MALT1: variants seen among roughly 807,000 people sequenced by gnomAD.
The protein encoded by MALT1 is mucosa-associated lymphoid tissue lymphoma translocation protein 1.
In MALT1, 36 loss-of-function variants were observed where a neutral mutation model predicts 85.5. The ratio of observed to expected loss-of-function variants is 0.42; its 90% CI spans 0.32 to 0.56. MALT1 has a LOEUF of 0.56. MALT1 is among the 20% of genes least tolerant of loss of function. The pLI, the probability that MALT1 is intolerant of heterozygous loss-of-function variation, is 0.10. For missense variants in MALT1, 716 were observed against 981.6 expected, an observed-to-expected ratio of 0.73 and a Z score of 3.62; for synonymous variants, 359 against 361.3, an observed-to-expected ratio of 0.99 and a Z score of 0.07.
rs79382488 is a variant in MALT1, at chr18:58,700,094, T to A, written c.499-347T>A. 5.9e-5 allele frequency among the ~76,000 whole-genome samples: 9 copies of A among 152,312 alleles called. No individual in the cohort carries two copies. In the East Asian group the frequency reaches 1.7e-3, roughly 29 times the overall value. On this transcript the variant is annotated intron_variant, in intron 3 of 16. Coordinates refer to ENST00000649217, the MANE Select transcript of MALT1 (RefSeq NM_006785.4). ...TCTATGCCGCTGTGGTGTTTGTATG[T>A]TGTATGGCTGCTAAACTCATAAATG...
At chr18:58,746,934 G>GC in intron 16 of MALT1, among the ~76,000 whole-genome samples, 1 of 152,064 alleles carries the variant, frequency 6.6e-6, no homozygotes, top group East Asian at 1.9e-4. Flanking sequence ...CACCACGTTG[G>GC]CCAGACTGGT....
At chr18:58,710,347 T>C (rs1402458554) in intron 6 of MALT1, among the ~76,000 whole-genome samples, 2 of 152,226 alleles carry the variant, frequency 1.3e-5, no homozygotes, top group Non-Finnish European at 2.9e-5. Flanking sequence ...TGATAAAATA[T>C]GTATTCTTTA....
intron 9 of MALT1, among the ~76,000 whole-genome samples, chr18:58,722,557 C>G (rs1403613904): frequency 6.6e-6 from 1 of 151,320 alleles, no homozygotes; most frequent in Non-Finnish European, 1.5e-5. Context: ...AGTTCTCTCT[C>G]TCTTTGATAT....
chr18:58,675,344 G>GCAGAAAT (rs1198119964), intron 1 of MALT1: 3 of 152,220 alleles, frequency 2.0e-5, no homozygotes, highest in Non-Finnish European at 4.4e-5. Flanking sequence ...ACTTTTAGCT[G>GCAGAAAT]CAGAAATCCT....
At position 58,754,188 on chromosome 18, in the gene MALT1, G is replaced by A. The variant is rs1312517209; in HGVS notation, c.*6346G>A. On this transcript the variant is annotated 3_prime_UTR_variant, in exon 17 of 17. Coordinates refer to ENST00000649217, the MANE Select transcript of MALT1 (RefSeq NM_006785.4). ...GCAGAGCCAGGATGATTCAGACCCA[G>A]ACCAGAGCCGGGTGTTTTGTCCACA... is the stretch of plus-strand genomic sequence containing the variant. The A allele has an allele frequency of 6.6e-6, 1 of 152,224 alleles. No homozygotes were observed. Among genetic ancestry groups the A allele is most frequent in the Non-Finnish European group, 1.5e-5 (1 of 68,052 alleles). The allele number at this position is 152,224 out of a possible 1,614,324, so 9.4% of individuals were successfully genotyped here.
chr18:58,674,637 A>T (rs1263599234), intron 1 of MALT1, among the ~76,000 whole-genome samples: 1 of 152,174 alleles, frequency 6.6e-6, no homozygotes, highest in African/African-American at 2.4e-5. Context: ...TACTCTATTT[A>T]AGACAAAAAA....
intron 1 of MALT1, chr18:58,675,497 C>A (rs2054226091): frequency 6.6e-6 from 1 of 152,220 alleles, no homozygotes; most frequent in Non-Finnish European, 1.5e-5. Flanking sequence ...GGCCTGTAGT[C>A]CCAGCTACTC....
rs1201847870 is a variant in MALT1 at position 58,748,653 on chromosome 18, A to G, written c.*811A>G. ...TATCAGAATTTCCCAAATATTTAGC[A>G]TCTTCCTTGATAATATGTATTTTCT... On this transcript the variant is annotated 3_prime_UTR_variant, in exon 17 of 17. Coordinates refer to ENST00000649217, the MANE Select transcript of MALT1 (RefSeq NM_006785.4). 1 of 191,486 alleles carries G rather than the reference A, an allele frequency of 5.2e-6. No homozygotes were observed. The highest frequency in any genetic ancestry group is 1.1e-5 in the Non-Finnish European group (1 of 91,146). 11.9% of individuals were successfully genotyped at this position (191,486 alleles called of 1,614,324 possible).
At chr18:58,740,862 C>T (rs2055291893) in intron 13 of MALT1, among the ~76,000 whole-genome samples, 1 of 152,114 alleles carries the variant, frequency 6.6e-6, no homozygotes, top group South Asian at 2.1e-4. Context: ...TGAAATCTCT[C>T]AATTTACCAA....
At chr18:58,741,099 G>A (rs2055295434) in intron 13 of MALT1, among the ~76,000 whole-genome samples, 1 of 151,942 alleles carries the variant, frequency 6.6e-6, no homozygotes, top group African/African-American at 2.4e-5. Flanking sequence ...CCCTAGGCTA[G>A]CCTGCTTCTC....
chr18:58,672,053 G>C (rs1273801665), intron 1 of MALT1, among the ~76,000 whole-genome samples: 1 of 152,206 alleles, frequency 6.6e-6, no homozygotes, highest in Non-Finnish European at 1.5e-5. Context: ...GCGGGGCCCA[G>C]GGCTCTGGAG....
chr18:58,730,186 T>A (rs1202330736), intron 10 of MALT1, among the ~76,000 whole-genome samples: 2 of 152,194 alleles, frequency 1.3e-5, no homozygotes, highest in African/African-American at 4.8e-5. Flanking sequence ...AGTTGTACCC[T>A]TTTTAAAGTG....
intron 10 of MALT1, among the ~76,000 whole-genome samples, chr18:58,727,215 A>G (rs1040699454): frequency 2.6e-5 from 4 of 152,170 alleles, no homozygotes; most frequent in African/African-American, 9.7e-5. Context: ...TTCAGGCCTC[A>G]ATGAGAGAAA....
chr18:58,718,441 C>T (rs139838524), intron 9 of MALT1, among the ~76,000 whole-genome samples: 6 of 152,364 alleles, frequency 3.9e-5, no homozygotes, highest in South Asian at 2.1e-4. Flanking sequence ...GCATTACCAC[C>T]TGAGCTCTGC....
At chr18:58,684,621 T>C (rs894411106) in intron 2 of MALT1, among the ~76,000 whole-genome samples, 2 of 152,000 alleles carry the variant, frequency 1.3e-5, no homozygotes, top group African/African-American at 4.8e-5. Context: ...TAATTTTGTA[T>C]TTTTAGTAGA....
chr18:58,743,374 C>G (rs543964946), intron 14 of MALT1, among the ~76,000 whole-genome samples: 1 of 152,114 alleles, frequency 6.6e-6, no homozygotes, highest in Admixed American at 6.5e-5. Context: ...AAAACTCAGT[C>G]TCAAAAAAAG....
In MALT1 at chr18:58,671,527, G is replaced by A. The variant is rs1568116670; in HGVS notation, c.-117G>A. ...CTCTGAGGGCCGTGCCGCGCTGCCA[G>A]ATTTGTTCTTCCGCCCCTGCCTCCG... On this transcript the variant is annotated 5_prime_UTR_variant, in exon 1 of 17. Transcript: ENST00000649217. The A allele has an allele frequency of 3.3e-6, 2 of 601,976 alleles. No individual in the cohort carries two copies. Among genetic ancestry groups the A allele is most frequent in the Non-Finnish European group, 4.8e-6 (2 of 420,696 alleles). The allele number at this position is 601,976 out of a possible 1,614,324, so 37.3% of individuals were successfully genotyped here. A position where few individuals can be genotyped will look rare whatever the true frequency, so the allele number is the denominator to read the frequency against.
At chr18:58,679,693 G>C (rs2054292212) in intron 1 of MALT1, among the ~76,000 whole-genome samples, 2 of 152,072 alleles carry the variant, frequency 1.3e-5, no homozygotes, top group South Asian at 2.1e-4. Context: ...GACTACAGGC[G>C]TGCACCACCA....
At chr18:58,680,031 T>A (rs1471734602) in intron 1 of MALT1, among the ~76,000 whole-genome samples, 1 of 151,346 alleles carries the variant, frequency 6.6e-6, no homozygotes, top group Non-Finnish European at 1.5e-5. Context: ...TAAAAAAAAA[T>A]TATCAAAAAA....
Sources: allele counts gnomAD v4.1 joint callset (sites outside exome capture counted in the v4.1 genomes callset), GRCh38; gene constraint gnomAD v4.1.1; transcripts MANE v1.5; gene names NCBI Gene and HGNC (gene_info 2026-07-23, HGNC 2026-07-21).